The following AK4 variants were observed in gnomAD, a reference collection of about 807,000 sequenced individuals.
The protein encoded by AK4 is adenylate kinase 4.
AK4 carries 13 observed loss-of-function variants against 24.6 expected under a neutral mutation model. The ratio of observed to expected loss-of-function variants is 0.53; its 90% CI spans 0.34 to 0.84. AK4 has a LOEUF of 0.84. Among genes scored for constraint, AK4 ranks in the 40% least tolerant of loss-of-function variants. The probability of loss-of-function intolerance (pLI) is 0.01; values close to 1 mark genes in which losing one functional copy is unlikely to be tolerated. For missense variants in AK4, 192 were observed against 288.2 expected (o/e 0.67, Z 2.42); for synonymous variants, 88 against 107.0 (o/e 0.82, Z 1.10).
intron 1 of AK4, among the ~76,000 whole-genome samples, chr1:65,172,104 T>TATATATATATATATA (rs1650555237): frequency 2.8e-5 from 3 of 108,278 alleles, no homozygotes; most frequent in Non-Finnish European, 5.8e-5. Context: ...TATATATATA[T>TATATATATATATATA]TTAAACTCAT....
intron 1 of AK4, among the ~76,000 whole-genome samples, chr1:65,184,781 A>G (rs759929803): frequency 2.0e-5 from 3 of 152,142 alleles, no homozygotes; most frequent in Non-Finnish European, 2.9e-5. Context: ...TGCTGTTGTC[A>G]TGAGGTCTTC....
At chr1:65,173,557 A>G (rs1441358239) in intron 1 of AK4, among the ~76,000 whole-genome samples, 3 of 152,010 alleles carry the variant, frequency 2.0e-5, no homozygotes, top group African/African-American at 4.8e-5. Context: ...ACTTCATCCC[A>G]TGTTGGACCC....
intron 1 of AK4, among the ~76,000 whole-genome samples, chr1:65,189,047 T>G (rs1412260490): frequency 6.6e-6 from 1 of 151,288 alleles, no homozygotes; most frequent in African/African-American, 2.4e-5. Context: ...GATTCTCCTG[T>G]CTCAGCCTCC....
At chr1:65,183,683 GTGTGTGTGTGTATGTA>G (rs1650990535) in intron 1 of AK4, among the ~76,000 whole-genome samples, 3 of 151,294 alleles carry the variant, frequency 2.0e-5, no homozygotes, top group African/African-American at 7.3e-5. Context: ...GTGTGTGTGT[GTGTGTGTGTGTATGTA>G]TGTGTCTGTG....
intron 2 of AK4, among the ~76,000 whole-genome samples, chr1:65,206,082 C>T (rs923770557): frequency 7.9e-5 from 12 of 152,288 alleles, no homozygotes; most frequent in Middle Eastern, 3.4e-3. Context: ...TGTCTACCTA[C>T]GTCACTCTCC....
chr1:65,168,149 T>TTC (rs1179558360), intron 1 of AK4, among the ~76,000 whole-genome samples: 1 of 150,138 alleles, frequency 6.7e-6, no homozygotes, highest in African/African-American at 2.5e-5. Context: ...CATATTCTTT[T>TTC]TTTTTTTTTT....
At position 65,164,941 on chromosome 1, in the gene AK4, TA is replaced by T. The variant is rs1650282146; in HGVS notation, c.145+16391del. On this transcript the variant is annotated intron_variant, in intron 1 of 4. Transcript: ENST00000327299. ...CTAGAGTGAAACTAGGGAGAACAGT[TA>T]AGAGGCTGTCAGTATTGACAGACAA... is the stretch of plus-strand genomic sequence containing the variant. 2.0e-5 allele frequency among the ~76,000 whole-genome samples: 3 copies of T among 152,300 alleles called. No individual in the cohort carries two copies. In the South Asian group the frequency reaches 6.2e-4, roughly 32 times the overall value.
Position 65,148,528 on chromosome 1 carries a change from C to T in AK4, c.121C>T (p.Arg41Trp), listed in dbSNP as rs1043712270. 8.8e-6 allele frequency: 14 copies of T among 1,599,844 alleles called. No individual in the cohort carries two copies. Among genetic ancestry groups the T allele is most frequent in the Non-Finnish European group, 1.1e-5 (13 of 1,173,316 alleles). The change falls in exon 1 of 5, where the codon CGG (arginine) becomes TGG (tryptophan). Residue 41 changes from arginine (R) to tryptophan (W), a missense_variant. Coordinates refer to ENST00000327299, the MANE Select transcript of AK4 (RefSeq NM_013410.4). ...LQHLSSGHFL[R>W]ENIKASTEVG... ...GCATCTCTCCAGCGGCCACTTCTTG[C>T]GGGAGAACATCAAGGCCAGCACCGG...
chr1:65,177,843 A>T (rs915182783), intron 1 of AK4, among the ~76,000 whole-genome samples: 20 of 152,162 alleles, frequency 1.3e-4, no homozygotes, highest in African/African-American at 4.8e-4. Flanking sequence ...ATGTCCACTT[A>T]TGTAGTCTAA....
chr1:65,187,370 A>AAAAAAAAATGTTCTACAAAGCTAC (rs1651137044), intron 1 of AK4, among the ~76,000 whole-genome samples: 1 of 145,402 alleles, frequency 6.9e-6, no homozygotes, highest in South Asian at 2.1e-4. Flanking sequence ...AAAAAAAAAG[A>AAAAAAAAATGTTCTACAAAGCTAC]AGTGTCCAGG....
intron 1 of AK4, among the ~76,000 whole-genome samples, chr1:65,170,323 G>A (rs1048890915): frequency 6.6e-6 from 1 of 152,124 alleles, no homozygotes; most frequent in African/African-American, 2.4e-5. Flanking sequence ...AGCCGAGATC[G>A]CGCCACTGCA....
chr1:65,158,668 AT>A (rs200520746), intron 1 of AK4, among the ~76,000 whole-genome samples: 5 of 149,744 alleles, frequency 3.3e-5, no homozygotes, highest in Non-Finnish European at 6.0e-5. Flanking sequence ...GACCTGCTAA[AT>A]TTTTTTTTTG....
rs1352300039 is a variant in AK4, at chr1:65,167,145, GA to G, written c.145+18596del. On this transcript the variant is annotated intron_variant, in intron 1 of 4. Transcript: ENST00000327299. The stretch of plus-strand genomic sequence containing the variant: ...AAGACTCTCTCAAAAAACAAAAATA[GA>G]AACAAATTATGTCATTGTTAAGAGG... Among the ~76,000 whole-genome samples the G allele has an allele frequency of 3.5e-4, 53 of 152,080 alleles. 1 individual carries two copies. Among genetic ancestry groups the G allele is most frequent in the African/African-American group, 1.3e-3 (53 of 41,426 alleles).
At chr1:65,200,931 A>G (rs756930193) in intron 2 of AK4, among the ~76,000 whole-genome samples, 2 of 151,958 alleles carry the variant, frequency 1.3e-5, no homozygotes, top group African/African-American at 2.4e-5. Context: ...AGTAGCTGGG[A>G]CTACAGGCAG....
intron 1 of AK4, among the ~76,000 whole-genome samples, chr1:65,155,611 T>C (rs2100984146): frequency 6.6e-6 from 1 of 152,188 alleles, no homozygotes; most frequent in East Asian, 1.9e-4. Flanking sequence ...TCACTTGTAA[T>C]TTACCAACTG....
intron 1 of AK4, among the ~76,000 whole-genome samples, chr1:65,152,257 C>T (rs1649794800): frequency 6.9e-6 from 1 of 145,364 alleles, no homozygotes. Flanking sequence ...CATTTGGAAG[C>T]ATCTTGGAGT....
intron 1 of AK4, among the ~76,000 whole-genome samples, chr1:65,165,764 G>C (rs575300153): frequency 6.6e-6 from 1 of 152,234 alleles, no homozygotes; most frequent in African/African-American, 2.4e-5. Context: ...TGCGGTCTAG[G>C]GTAACAGTAA....
chr1:65,186,766 TC>T (rs1449780245), intron 1 of AK4, among the ~76,000 whole-genome samples: 2 of 152,156 alleles, frequency 1.3e-5, no homozygotes, highest in Non-Finnish European at 2.9e-5. Flanking sequence ...GCTCCTTGCA[TC>T]TTTTCTGATA....
At chr1:65,207,631 G>A (rs768479399) in intron 2 of AK4, among the ~76,000 whole-genome samples, 12 of 149,946 alleles carry the variant, frequency 8.0e-5, no homozygotes, top group Non-Finnish European at 1.2e-4. Context: ...GGTAAATTTC[G>A]TGTACAGATG....
Sources: allele counts gnomAD v4.1 joint callset (sites outside exome capture counted in the v4.1 genomes callset), GRCh38; gene constraint gnomAD v4.1.1; transcripts MANE v1.5; gene names NCBI Gene and HGNC (gene_info 2026-07-23, HGNC 2026-07-21).